FRRS1: variants seen among roughly 807,000 people sequenced by gnomAD.
The protein encoded by FRRS1 is ferric chelate reductase 1.
FRRS1 carries 51 observed loss-of-function variants against 70.7 expected under a neutral mutation model. The ratio of observed to expected loss-of-function variants is 0.72; its 90% CI spans 0.58 to 0.91. The LOEUF (loss-of-function observed/expected upper bound fraction) is 0.91, where lower values mean the gene tolerates loss of function less well. Ranked by LOEUF, FRRS1 falls within the 40% of genes least tolerant of loss-of-function variation. FRRS1 has a pLI of 0.00. For synonymous variants in FRRS1, 225 were observed against 238.7 expected, an observed-to-expected ratio of 0.94 and a Z score of 0.53; for missense variants, 672 against 726.0, an observed-to-expected ratio of 0.93 and a Z score of 0.86.
Position 99,715,683 on chromosome 1 carries a change from A to AAATTC in FRRS1, c.1237-12_1237-11insGAATT, listed in dbSNP as rs748454125. The AAATTC allele has an allele frequency of 6.3e-7, 1 of 1,591,090 alleles. No individual in the cohort carries two copies. On this transcript the variant is annotated splice_polypyrimidine_tract_variant and intron_variant, in intron 11 of 16. Transcript: ENST00000646001. ...GAGCATCCGATGCACCTGCAAGGTA[A>AAATTC]AATGACAAATTAAGAAGACACTTAT...
At chr1:99,730,086 T>C (rs1655277565) in intron 7 of FRRS1, among the ~76,000 whole-genome samples, 1 of 152,202 alleles carries the variant, frequency 6.6e-6, no homozygotes, top group African/African-American at 2.4e-5. Context: ...ATTATACCTA[T>C]TTTTTCCTTC....
intron 13 of FRRS1, 21 bp from the exon 14 acceptor site, chr1:99,712,184 C>G (rs1293210581): frequency 8.4e-6 from 13 of 1,550,634 alleles, no homozygotes; most frequent in Non-Finnish European, 1.2e-5. Context: ...AAGAACCAGT[C>G]AGTATTCTTA....
At chr1:99,741,244 A>G (rs1032340735) in intron 5 of FRRS1, among the ~76,000 whole-genome samples, 4 of 152,240 alleles carry the variant, frequency 2.6e-5, no homozygotes, top group African/African-American at 9.6e-5. Context: ...TTCCTGGCAT[A>G]TGAAGAACAT....
At chr1:99,766,116 G>T (rs928247346) in intron 1 of FRRS1, among the ~76,000 whole-genome samples, 1 of 151,990 alleles carries the variant, frequency 6.6e-6, no homozygotes. Context: ...GAGTCTTTCT[G>T]AAATTTTAAC....
chr1:99,718,388 G>A (rs551820653), intron 10 of FRRS1, among the ~76,000 whole-genome samples: 2 of 152,272 alleles, frequency 1.3e-5, no homozygotes, highest in East Asian at 3.9e-4. Flanking sequence ...GAGTGCAGTG[G>A]TGCGATCTCA....
intron 12 of FRRS1, among the ~76,000 whole-genome samples, chr1:99,713,930 G>C (rs1339475766): frequency 6.6e-6 from 1 of 152,114 alleles, no homozygotes; most frequent in Non-Finnish European, 1.5e-5. Flanking sequence ...GGGAGTAATG[G>C]AAGCGTGTGC....
chr1:99,734,670 A>G (rs1655560904), intron 7 of FRRS1, among the ~76,000 whole-genome samples: 3 of 152,242 alleles, frequency 2.0e-5, no homozygotes, highest in Admixed American at 2.0e-4. Flanking sequence ...GCAGTAACTG[A>G]TGTGTTTATA....
intron 1 of FRRS1, among the ~76,000 whole-genome samples, chr1:99,761,335 C>G (rs183920520): frequency 6.6e-6 from 1 of 152,180 alleles, no homozygotes; most frequent in African/African-American, 2.4e-5. Context: ...ACTATATTAC[C>G]CAGGCTGGTC....
At position 99,738,355 on chromosome 1, in the gene FRRS1, C is replaced by T. The variant is rs188477383; in HGVS notation, c.577-87G>A. The T allele has an allele frequency of 2.4e-4, 203 of 861,286 alleles. No homozygotes were observed. The East Asian group carries it at 3.8e-3, about 16-fold the overall frequency. 53.4% of individuals were successfully genotyped at this position (861,286 alleles called of 1,614,324 possible). On this transcript the variant is annotated intron_variant, in intron 6 of 16. Transcript: ENST00000646001. ...ACAGAAGAATAACTACCTTCAAGTA[C>T]GGGTAGCTCCCAAATTAATGAGAAT...
chr1:99,734,511 C>G (rs933855106), intron 7 of FRRS1, among the ~76,000 whole-genome samples: 1 of 150,866 alleles, frequency 6.6e-6, no homozygotes, highest in Admixed American at 6.6e-5. Flanking sequence ...TGGGTGTTCA[C>G]TGTACTATCT....
At chr1:99,742,637 T>G (rs1376101710) in intron 4 of FRRS1, among the ~76,000 whole-genome samples, 2 of 152,206 alleles carry the variant, frequency 1.3e-5, no homozygotes, top group Non-Finnish European at 2.9e-5. Flanking sequence ...AGAGAAAAAT[T>G]TCCTGCCTTC....
At chr1:99,762,617 G>C (rs2101008197) in intron 1 of FRRS1, among the ~76,000 whole-genome samples, 1 of 151,610 alleles carries the variant, frequency 6.6e-6, no homozygotes, top group Admixed American at 6.6e-5. Flanking sequence ...TTTCCAACTG[G>C]GTATGGACTT....
chr1:99,712,221 C>T (rs945848484), intron 13 of FRRS1, 58 bp from the exon 14 acceptor site: 1 of 1,177,460 alleles, frequency 8.5e-7, no homozygotes, highest in African/African-American at 1.5e-5. Context: ...AATTAATTCC[C>T]ACTAGAATAA....
At position 99,748,614 on chromosome 1, in the gene FRRS1, T is replaced by C; in HGVS notation, c.155A>G (p.Tyr52Cys). Residue 52 changes from tyrosine to cysteine, a missense_variant, in exon 3 of 17, where the codon TAC becomes TGC. Transcript: ENST00000646001. The stretch of plus-strand genomic sequence containing the variant: ...TGGCCTGAATGTCATCTGACTCACG[T>C]AAATGTCATGAACAGGAACAGACTG... ...SPQSVPVHDI[Y>C]VSQMTFRPGD... The C allele has an allele frequency of 6.2e-7, 1 of 1,614,080 alleles. No homozygotes were observed. The highest frequency in any genetic ancestry group is 1.3e-5 in the African/African-American group (1 of 75,056).
rs776728072 is a variant in FRRS1, at chr1:99,748,695, T to C, written c.74A>G (p.Asn25Ser). 7 of 1,614,022 alleles carry C rather than the reference T, an allele frequency of 4.3e-6. No individual in the cohort carries two copies. The highest frequency in any genetic ancestry group is 3.3e-5 in the Admixed American group (2 of 60,020). The change falls in exon 3 of 17, where the codon AAT (asparagine) becomes AGT (serine). Residue 25 changes from asparagine (N) to serine (S), a missense_variant. Coordinates refer to ENST00000646001, the MANE Select transcript of FRRS1 (RefSeq NM_001361041.2). ...ATGGCATGACTGTGTTACTTTTCCA[T>C]TGGGATAATTAGCCACATAACTAAT... is the stretch of plus-strand genomic sequence containing the variant. ...LHISYVANYP[N>S]GKVTQSCHGM...
intron 9 of FRRS1, among the ~76,000 whole-genome samples, chr1:99,720,447 T>G (rs1654757494): frequency 6.6e-6 from 1 of 152,186 alleles, no homozygotes; most frequent in Non-Finnish European, 1.5e-5. Context: ...CATACATATT[T>G]TTAGAATACT....
At chr1:99,750,425 T>C (rs8179356) in intron 1 of FRRS1, among the ~76,000 whole-genome samples, 75,216 of 152,104 alleles carry the variant, frequency 0.49, 22,616 homozygotes, top group African/African-American at 0.85. Context: ...TTAGGTATGA[T>C]GGAGATGTTG....
Position 99,710,784 on chromosome 1 carries a change from C to T in FRRS1, c.1624+22G>A. The T allele has an allele frequency of 1.9e-6, 3 of 1,608,288 alleles. No homozygotes were observed. The East Asian group carries it at 6.7e-5, about 36-fold the overall frequency. On this transcript the variant is annotated intron_variant, in intron 15 of 16. Coordinates refer to ENST00000646001, the MANE Select transcript of FRRS1 (RefSeq NM_001361041.2). ...TTTGTATAGAAGTGCTTCTACATAA[C>T]ATGGCTTTTTTACCAGGTTACCTTT...
intron 1 of FRRS1, among the ~76,000 whole-genome samples, chr1:99,750,109 A>C (rs1048602083): frequency 2.6e-5 from 4 of 152,202 alleles, no homozygotes; most frequent in Non-Finnish European, 5.9e-5. Context: ...CATGACCTGG[A>C]GGATGGGAAA....
Sources: gnomAD v4.1 joint callset for allele counts (sites outside exome capture counted in the v4.1 genomes callset) on GRCh38, gnomAD v4.1.1 for gene constraint, MANE v1.5 for transcripts, NCBI Gene and HGNC (gene_info 2026-07-23, HGNC 2026-07-21) for gene names.